Variants in KLHL32 observed in about 807,000 individuals in gnomAD.
KLHL32 encodes the protein kelch-like protein 32.
A neutral mutation model predicts 64.8 loss-of-function variants in KLHL32; 35 were observed. The observed-to-expected ratio is 0.54, with a 90% CI of 0.41 to 0.72. The LOEUF (loss-of-function observed/expected upper bound fraction) is 0.72, where lower values mean the gene tolerates loss of function less well. Among genes scored for constraint, KLHL32 ranks in the 30% least tolerant of loss-of-function variants. KLHL32 has a pLI of 0.00. For synonymous variants in KLHL32, 259 were observed against 281.0 expected (o/e 0.92, Z 0.78); for missense variants, 589 against 768.5 (o/e 0.77, Z 2.76).
intron 2 of KLHL32, 66 bp downstream of exon 2, chr6:96,967,149 T>A (rs923037218): frequency 5.5e-6 from 8 of 1,445,562 alleles, no homozygotes; most frequent in Non-Finnish European, 7.8e-6. Flanking sequence ...TTGCACGTTC[T>A]AGGATCAAGC....
intron 1 of KLHL32, among the ~76,000 whole-genome samples, chr6:96,965,779 G>A (rs1386531130): frequency 6.6e-6 from 1 of 152,070 alleles, no homozygotes; most frequent in Non-Finnish European, 1.5e-5. Flanking sequence ...AGTCATAATG[G>A]AGCAATTAAA....
intron 5 of KLHL32, among the ~76,000 whole-genome samples, chr6:97,083,062 A>G (rs1197593671): frequency 6.6e-6 from 1 of 152,126 alleles, no homozygotes; most frequent in Admixed American, 6.5e-5. Context: ...CATTATCTTT[A>G]TGCCAACCCT....
At chr6:97,120,094 C>T (rs79254111) in intron 7 of KLHL32, among the ~76,000 whole-genome samples, 93 of 152,046 alleles carry the variant, frequency 6.1e-4, no homozygotes, top group South Asian at 1.3e-3. Flanking sequence ...GAGAGCATTT[C>T]CCAGGTACCA....
At chr6:96,968,860 C>T (rs1262151161) in intron 2 of KLHL32, among the ~76,000 whole-genome samples, 1 of 152,138 alleles carries the variant, frequency 6.6e-6, no homozygotes, top group Non-Finnish European at 1.5e-5. Context: ...CCTCACATCC[C>T]ATGTATTTCA....
intron 1 of KLHL32, among the ~76,000 whole-genome samples, chr6:96,962,479 A>G (rs1364614346): frequency 1.3e-5 from 2 of 152,214 alleles, no homozygotes; most frequent in East Asian, 3.8e-4. Context: ...AGTCTTCACC[A>G]GCTGTAAAGT....
intron 5 of KLHL32, among the ~76,000 whole-genome samples, chr6:97,082,913 A>G (rs1453184259): frequency 6.6e-6 from 1 of 152,132 alleles, no homozygotes; most frequent in African/African-American, 2.4e-5. Context: ...CTTCATTTTG[A>G]CCTCTTTGCA....
intron 1 of KLHL32, among the ~76,000 whole-genome samples, chr6:96,932,150 G>C (rs1769965980): frequency 6.6e-6 from 1 of 150,494 alleles, no homozygotes; most frequent in Non-Finnish European, 1.5e-5. Flanking sequence ...GCTGCATAAA[G>C]ATTCACTAGT....
intron 7 of KLHL32, among the ~76,000 whole-genome samples, chr6:97,117,288 A>C (rs1022906135): frequency 2.0e-5 from 3 of 152,182 alleles, no homozygotes; most frequent in African/African-American, 7.2e-5. Flanking sequence ...TTCCAATTTA[A>C]TTGATGGGAA....
chr6:97,109,081 A>G (rs1265766615), intron 6 of KLHL32, among the ~76,000 whole-genome samples: 2 of 152,202 alleles, frequency 1.3e-5, no homozygotes, highest in African/African-American at 4.8e-5. Context: ...GGCATATGCA[A>G]CAAGGACTTT....
chr6:97,012,124 T>C (rs761666044), intron 3 of KLHL32, among the ~76,000 whole-genome samples: 9 of 152,192 alleles, frequency 5.9e-5, no homozygotes, highest in Non-Finnish European at 1.3e-4. Context: ...TGGAACTGAG[T>C]ACTCCCTGTT....
At position 97,031,247 on chromosome 6, in the gene KLHL32, A is replaced by G. The variant is rs547831807; in HGVS notation, c.205-10245A>G. Among the ~76,000 whole-genome samples the G allele has an allele frequency of 3.9e-5, 6 of 152,302 alleles. No homozygotes were observed. In the East Asian group the frequency reaches 1.2e-3, roughly 29 times the overall value. On this transcript the variant is annotated intron_variant, in intron 3 of 10. Coordinates refer to ENST00000369261, the MANE Select transcript of KLHL32 (RefSeq NM_052904.4). ...AATTGAGATATCTTTTAAATGTATT[A>G]TACCCAAGACATTGACCTTGATATA...
chr6:96,923,118 T>C (rs1372057187), upstream of KLHL32, among the ~76,000 whole-genome samples: 1 of 152,208 alleles, frequency 6.6e-6, no homozygotes, highest in Non-Finnish European at 1.5e-5. Flanking sequence ...AAATATTCTT[T>C]TCCTGTGTAA....
the KLHL32 span, among the ~76,000 whole-genome samples, chr6:96,901,653 G>A: frequency 6.6e-6 from 1 of 152,164 alleles, no homozygotes; most frequent in East Asian, 1.9e-4. Flanking sequence ...TTAGATGACG[G>A]TTTGCTGCAC....
chr6:97,061,349 G>T (rs1294075894), intron 4 of KLHL32, among the ~76,000 whole-genome samples: 1 of 59,380 alleles, frequency 1.7e-5, no homozygotes, highest in South Asian at 5.2e-4. Flanking sequence ...CCCCCAGCCC[G>T]CCCCATCCCG....
chr6:96,973,741 T>TTTTTTTTTTTTTTA (rs3032640), intron 2 of KLHL32, among the ~76,000 whole-genome samples: 1 of 149,450 alleles, frequency 6.7e-6, no homozygotes, highest in African/African-American at 2.5e-5. Context: ...TTTTTTTTTT[T>TTTTTTTTTTTTTTA]AGACAGAGTC....
intron 1 of KLHL32, among the ~76,000 whole-genome samples, chr6:96,955,468 A>G (rs1041190531): frequency 5.9e-5 from 9 of 151,916 alleles, no homozygotes; most frequent in East Asian, 1.9e-4. Flanking sequence ...TCTCTTTACT[A>G]TAGTTTCAGT....
intron 3 of KLHL32, among the ~76,000 whole-genome samples, chr6:97,031,972 T>C (rs1783624631): frequency 6.6e-6 from 1 of 152,190 alleles, no homozygotes; most frequent in Non-Finnish European, 1.5e-5. Context: ...GTGCCACATA[T>C]TATGCCTAAC....
At position 97,058,139 on chromosome 6, in the gene KLHL32, G is replaced by T. The variant is rs975861829; in HGVS notation, c.313-6489G>T. 3.3e-5 allele frequency among the ~76,000 whole-genome samples: 5 copies of T among 152,174 alleles called. No individual in the cohort carries two copies. In the Middle Eastern group the frequency reaches 0.01, roughly 311 times the overall value. On this transcript the variant is annotated intron_variant, in intron 4 of 10. Transcript: ENST00000369261. ...TCTTTTGCCAATGTCACACTGTCTTGATAACTGTAGTTTTTTTTAGTCTTG... is the reference window on the plus strand; with the variant it reads ...TCTTTTGCCAATGTCACACTGTCTTTATAACTGTAGTTTTTTTTAGTCTTG...
chr6:96,991,458 T>A (rs1243361766), intron 3 of KLHL32, among the ~76,000 whole-genome samples: 3 of 151,870 alleles, frequency 2.0e-5, no homozygotes, highest in Admixed American at 6.6e-5. Context: ...GTGGTACCCA[T>A]CGCAGCTGTA....
Sources: gnomAD v4.1 joint callset for allele counts (sites outside exome capture counted in the v4.1 genomes callset) on GRCh38, gnomAD v4.1.1 for gene constraint, MANE v1.5 for transcripts, NCBI Gene and HGNC (gene_info 2026-07-23, HGNC 2026-07-21) for gene names.